Variants in ASXL3 observed in about 807,000 individuals in gnomAD.
ASXL3 encodes the protein ASXL transcriptional regulator 3.
In ASXL3, 34 loss-of-function variants were observed where a neutral mutation model predicts 170.6. That is an observed-to-expected ratio of 0.20 (90% CI 0.15 to 0.27). The LOEUF is 0.27. Among genes scored for constraint, ASXL3 ranks in the 10% least tolerant of loss-of-function variants. The probability of loss-of-function intolerance (pLI) is 1.00; values close to 1 mark genes in which losing one functional copy is unlikely to be tolerated. For synonymous variants in ASXL3, 1,002 were observed against 989.1 expected (o/e 1.01, Z -0.24); for missense variants, 2,592 against 2,695.3 (o/e 0.96, Z 0.85).
At chr18:33,641,529 A>G (rs2065847068) in intron 2 of ASXL3, among the ~76,000 whole-genome samples, 3 of 152,092 alleles carry the variant, frequency 2.0e-5, no homozygotes, top group African/African-American at 7.2e-5. Context: ...TTCTAGTTAT[A>G]TTTATTATAT....
Position 33,742,793 on chromosome 18 carries a change from C to T in ASXL3, c.3040-95C>T, listed in dbSNP as rs550451970. On this transcript the variant is annotated intron_variant, in intron 11 of 11. Coordinates refer to ENST00000269197, the MANE Select transcript of ASXL3 (RefSeq NM_030632.3). ...GTTCATGGCATATTAGGAGAGAATG[C>T]AGCTAGTCTTTTCCCTTGCATTATC... is the stretch of plus-strand genomic sequence containing the variant. The T allele has an allele frequency of 9.0e-6, 13 of 1,442,292 alleles. No homozygotes were observed. The East Asian group carries it at 3.2e-4, about 35-fold the overall frequency. The allele number at this position is 1,442,292 out of a possible 1,614,324, so 89.3% of individuals were successfully genotyped here. A position where few individuals can be genotyped will look rare whatever the true frequency, so the allele number is the denominator to read the frequency against.
intron 2 of ASXL3, among the ~76,000 whole-genome samples, chr18:33,608,828 C>A (rs1397441870): frequency 6.6e-6 from 1 of 151,938 alleles, no homozygotes; most frequent in Non-Finnish European, 1.5e-5. Flanking sequence ...TAGGTTTCAC[C>A]TATAACTCCT....
intron 2 of ASXL3, among the ~76,000 whole-genome samples, chr18:33,640,583 A>G (rs1413655846): frequency 1.3e-5 from 2 of 152,106 alleles, no homozygotes; most frequent in East Asian, 3.9e-4. Flanking sequence ...TGAAGTATAT[A>G]CAGAGTTTAG....
chr18:33,641,586 T>A (rs1008235701), intron 2 of ASXL3, among the ~76,000 whole-genome samples: 2 of 152,058 alleles, frequency 1.3e-5, no homozygotes, highest in Non-Finnish European at 2.9e-5. Context: ...CGTAGAAGTA[T>A]TAGGGGAAAA....
At chr18:33,676,092 CA>C (rs1425977776) in intron 7 of ASXL3, among the ~76,000 whole-genome samples, 2 of 151,478 alleles carry the variant, frequency 1.3e-5, no homozygotes, top group South Asian at 2.1e-4. Flanking sequence ...GGTATGGTGG[CA>C]GGCACCTGTA....
intron 5 of ASXL3, among the ~76,000 whole-genome samples, chr18:33,669,459 C>A (rs1410845309): frequency 1.3e-5 from 2 of 152,170 alleles, no homozygotes; most frequent in Non-Finnish European, 2.9e-5. Flanking sequence ...TTTACTTTCT[C>A]ATCAGGCTTT....
Position 33,745,596 on chromosome 18 carries a change from T to G in ASXL3, c.5748T>G (p.Asn1916Lys). Residue 1916 changes from asparagine (N) to lysine (K), a missense_variant, in exon 12 of 12, where the codon AAT (asparagine) becomes AAG (lysine). Physicochemically the swap from Asn to Lys is moderately conservative, Grantham distance 94. This residue lies in a region of ASXL3 where 2,246 missense variants were observed against 2,219.6 expected (regional missense o/e 1.01). Coordinates refer to ENST00000269197, the MANE Select transcript of ASXL3 (RefSeq NM_030632.3). Reference protein sequence around the residue: ...FQQNLFHVDKNGGFHTDAGTS... With the variant: ...FQQNLFHVDKKGGFHTDAGTS... ...AGAACCTATTTCATGTTGACAAGAA[T>G]GGCGGCTTCCACACTGACGCTGGTA... The G allele has an allele frequency of 6.2e-7, 1 of 1,613,942 alleles. No homozygotes were observed. Among genetic ancestry groups the G allele is most frequent in the Non-Finnish European group, 8.5e-7 (1 of 1,179,884 alleles).
chr18:33,700,323 T>A (rs1227326091), intron 8 of ASXL3, among the ~76,000 whole-genome samples: 2 of 152,014 alleles, frequency 1.3e-5, no homozygotes, highest in Non-Finnish European at 2.9e-5. Context: ...GAGATATTTT[T>A]TCATAGAAAG....
chr18:33,723,050 T>C (rs1480545471), intron 8 of ASXL3, among the ~76,000 whole-genome samples: 1 of 152,154 alleles, frequency 6.6e-6, no homozygotes, highest in Non-Finnish European at 1.5e-5. Flanking sequence ...AGAAAAAATA[T>C]TCTTTTCAAA....
intron 8 of ASXL3, among the ~76,000 whole-genome samples, chr18:33,723,231 G>A (rs537840101): frequency 6.6e-6 from 1 of 152,270 alleles, no homozygotes; most frequent in South Asian, 2.1e-4. Context: ...TTCTAAGGCT[G>A]TGGCTGCCAT....
chr18:33,723,148 C>T (rs1176777284), intron 8 of ASXL3, among the ~76,000 whole-genome samples: 1 of 152,140 alleles, frequency 6.6e-6, no homozygotes, highest in East Asian at 1.9e-4. Flanking sequence ...ATTACTAATG[C>T]AATACCTATT....
chr18:33,585,067 A>ATATG (rs1245690751), intron 1 of ASXL3, among the ~76,000 whole-genome samples: 3 of 151,980 alleles, frequency 2.0e-5, no homozygotes, highest in African/African-American at 7.2e-5. Flanking sequence ...GATTGCCTAC[A>ATATG]TATGTATTCT....
intron 2 of ASXL3, among the ~76,000 whole-genome samples, chr18:33,612,621 G>C (rs771205276): frequency 2.6e-5 from 4 of 151,912 alleles, no homozygotes; most frequent in African/African-American, 9.7e-5. Context: ...TCTCCACTTT[G>C]TACTGTGGTT....
intron 1 of ASXL3, among the ~76,000 whole-genome samples, chr18:33,581,809 G>C: frequency 6.6e-6 from 1 of 152,180 alleles, no homozygotes; most frequent in Admixed American, 6.5e-5. Flanking sequence ...TGTAATGCTT[G>C]TATGTGTTAG....
At chr18:33,649,036 C>A (rs2065957250) in intron 4 of ASXL3, among the ~76,000 whole-genome samples, 1 of 151,790 alleles carries the variant, frequency 6.6e-6, no homozygotes, top group Non-Finnish European at 1.5e-5. Context: ...CAAGTGTAGA[C>A]AATTCTTTCA....
chr18:33,628,798 G>A (rs1426216577), intron 2 of ASXL3, among the ~76,000 whole-genome samples: 1 of 152,122 alleles, frequency 6.6e-6, no homozygotes, highest in Non-Finnish European at 1.5e-5. Context: ...GTATAACATG[G>A]TACATATGAC....
intron 5 of ASXL3, among the ~76,000 whole-genome samples, chr18:33,665,808 A>G (rs2145242681): frequency 6.6e-6 from 1 of 152,248 alleles, no homozygotes; most frequent in East Asian, 1.9e-4. Context: ...CACTGGAGAA[A>G]AGCATGCACA....
chr18:33,620,977 T>G (rs553343869), intron 2 of ASXL3, among the ~76,000 whole-genome samples: 2 of 152,268 alleles, frequency 1.3e-5, no homozygotes, highest in South Asian at 4.1e-4. Flanking sequence ...TTACTGTTGT[T>G]TATTACTATC....
At chr18:33,582,937 TA>T (rs2145088483) in intron 1 of ASXL3, among the ~76,000 whole-genome samples, 1 of 152,312 alleles carries the variant, frequency 6.6e-6, no homozygotes, top group African/African-American at 2.4e-5. Flanking sequence ...CAGATTTCCT[TA>T]AATTAATAGA....
Sources: gnomAD v4.1 joint callset for allele counts (sites outside exome capture counted in the v4.1 genomes callset) on GRCh38, gnomAD v4.1.1 for gene constraint, gnomAD v4.1.1 regional missense constraint, MANE v1.5 for transcripts, NCBI Gene and HGNC (gene_info 2026-07-23, HGNC 2026-07-21) for gene names.